The following CFAP92 variants were observed in gnomAD, a reference collection of about 807,000 sequenced individuals.
The protein encoded by CFAP92 is cilia and flagella associated protein 92 (putative).
In CFAP92, 86 loss-of-function variants were observed where a neutral mutation model predicts 106.3. The observed-to-expected ratio is 0.81, with a 90% confidence interval of 0.68 to 0.97. The LOEUF is 0.97. Among genes scored for constraint, CFAP92 ranks in the 50% least tolerant of loss-of-function variants. CFAP92 has a pLI of 0.00. For missense variants in CFAP92, 1,204 were observed against 1,283.8 expected (o/e 0.94, Z 0.95); for synonymous variants, 477 against 506.4 (o/e 0.94, Z 0.78).
intron 9 of CFAP92, among the ~76,000 whole-genome samples, chr3:128,960,048 T>C (rs1352639108): frequency 1.3e-5 from 2 of 152,176 alleles, no homozygotes; most frequent in Non-Finnish European, 2.9e-5. Context: ...TGAGAATGTA[T>C]TTTGTGAGAT....
In CFAP92 at chr3:128,935,115, C is replaced by T; in HGVS notation, c.2453+10G>A. 1 of 1,508,590 alleles carries T rather than the reference C, an allele frequency of 6.6e-7. No homozygotes were observed. The highest frequency in any genetic ancestry group is 8.9e-7 in the Non-Finnish European group (1 of 1,129,906). The allele number at this position is 1,508,590 out of a possible 1,614,324, so 93.5% of individuals were successfully genotyped here. A position where few individuals can be genotyped will look rare whatever the true frequency, so the allele number is the denominator to read the frequency against. On this transcript the variant is annotated intron_variant, in intron 11 of 15. Coordinates refer to ENST00000645291, the MANE Select transcript of CFAP92 (RefSeq NM_001394090.1). ...GGGCGCAGGACCACATGCGAGCTGCCACTGCCCACCTGGCTAGAGCCTGGA... is the reference window on the plus strand; with the variant it reads ...GGGCGCAGGACCACATGCGAGCTGCTACTGCCCACCTGGCTAGAGCCTGGA...
chr3:128,912,854 C>T (rs775683535), intron 15 of CFAP92: 4 of 658,112 alleles, frequency 6.1e-6, no homozygotes, highest in South Asian at 2.7e-5. Context: ...AATTGCTGAC[C>T]CCTGGAACTG....
intron 8 of CFAP92, chr3:128,969,573 G>GA (rs375452331): frequency 7.2e-4 from 102 of 141,918 alleles, no homozygotes; most frequent in East Asian, 8.2e-4. Context: ...ACTCCATCTC[G>GA]AAAAAAAAAA....
the CFAP92 span, among the ~76,000 whole-genome samples, chr3:129,018,314 C>G: frequency 6.6e-6 from 1 of 152,142 alleles, no homozygotes; most frequent in African/African-American, 2.4e-5. Flanking sequence ...TCCAGCTCCA[C>G]CCTTATTTTT....
chr3:128,912,711 G>A, intron 15 of CFAP92: 1 of 1,114,602 alleles, frequency 9.0e-7, no homozygotes, highest in Non-Finnish European at 1.4e-6. Context: ...CACAGGTTAA[G>A]CCTTTTGTTC....
intron 10 of CFAP92, among the ~76,000 whole-genome samples, chr3:128,943,243 A>G (rs1939841821): frequency 6.6e-6 from 1 of 152,066 alleles, no homozygotes; most frequent in Non-Finnish European, 1.5e-5. Flanking sequence ...AAGCGCATGA[A>G]TGAGTGGTTT....
chr3:128,987,269 T>C (rs1490930067), intron 4 of CFAP92, among the ~76,000 whole-genome samples: 1 of 152,100 alleles, frequency 6.6e-6, no homozygotes, highest in Non-Finnish European at 1.5e-5. Context: ...GATTTTTAAG[T>C]TTTCTCTTTT....
chr3:128,937,880 T>C (rs923337939), intron 10 of CFAP92, among the ~76,000 whole-genome samples: 2 of 152,016 alleles, frequency 1.3e-5, no homozygotes, highest in Admixed American at 1.3e-4. Flanking sequence ...CTTCCCAACA[T>C]GGCAAAACCC....
chr3:128,945,285 T>C lies in CFAP92; in HGVS notation c.2044A>G (p.Met682Val), dbSNP rs1327247154. The part of the protein sequence containing the change: ...LLHSLLQDIT[M>V]INAKALGLDS... ...AGGCCGAGGGCCTTAGCGTTGATCA[T>C]GGTGATGTCCTGCAGCAGGCTGTGG... The change falls in exon 10 of 16, where the codon ATG (methionine) becomes GTG (valine). Residue 682 changes from methionine (M) to valine (V), a missense_variant. Transcript: ENST00000645291. The C allele has an allele frequency of 3.3e-6, 5 of 1,536,124 alleles. No individual in the cohort carries two copies. The Admixed American group carries it at 5.9e-5, about 18-fold the overall frequency.
At position 128,935,148 on chromosome 3, in the gene CFAP92, C is replaced by T. The variant is rs1469591410; in HGVS notation, c.2430G>A (p.Arg810=). ...AVFFLRDTER[R]RVFQALARIH... ...ACCTGGCTAGAGCCTGGAAGACCCG[C>T]CTCCGCTCAGTGTCTCGCAGGAAGA... The change falls in exon 11 of 16, where the codon AGG becomes AGA. Residue 810 remains arginine (R), a synonymous_variant. Transcript: ENST00000645291. 2 of 1,533,382 alleles carry T rather than the reference C, an allele frequency of 1.3e-6. No individual in the cohort carries two copies. Among genetic ancestry groups the T allele is most frequent in the South Asian group, 2.4e-5 (2 of 83,790 alleles). The allele number at this position is 1,533,382 out of a possible 1,614,324, so 95.0% of individuals were successfully genotyped here.
At chr3:129,016,702 G>A in the CFAP92 span, among the ~76,000 whole-genome samples, 1 of 152,084 alleles carries the variant, frequency 6.6e-6, no homozygotes, top group Non-Finnish European at 1.5e-5. Flanking sequence ...CCACTTCTCT[G>A]GTCAAACCCT....
upstream of CFAP92, among the ~76,000 whole-genome samples, chr3:129,004,623 G>A (rs1944989085): frequency 6.6e-6 from 1 of 151,222 alleles, no homozygotes; most frequent in East Asian, 1.9e-4. Flanking sequence ...AGTTGAATGT[G>A]CTCATTCTTA....
intron 12 of CFAP92, among the ~76,000 whole-genome samples, chr3:128,926,592 C>T (rs941168305): frequency 2.6e-5 from 4 of 152,140 alleles, no homozygotes; most frequent in African/African-American, 9.7e-5. Context: ...ACCAGACATT[C>T]TAGACAATGC....
intron 9 of CFAP92, among the ~76,000 whole-genome samples, chr3:128,961,421 C>T (rs988377126): frequency 2.0e-5 from 3 of 152,084 alleles, no homozygotes; most frequent in African/African-American, 4.8e-5. Flanking sequence ...AGCTAGGTCC[C>T]AATTCTTCCT....
rs75253627 is a variant in CFAP92 at position 128,949,062 on chromosome 3, C to T, written c.1354-3087G>A. 2.6e-5 allele frequency among the ~76,000 whole-genome samples: 4 copies of T among 152,248 alleles called. No homozygotes were observed. In the East Asian group the frequency reaches 5.8e-4, roughly 22 times the overall value. On this transcript the variant is annotated intron_variant, in intron 9 of 15. Coordinates refer to ENST00000645291, the MANE Select transcript of CFAP92 (RefSeq NM_001394090.1). The stretch of plus-strand genomic sequence containing the variant: ...GGCTAAACTTAAAATACTGACAATA[C>T]CACATTCTGGAGAGGGTAGGGAGCA...
chr3:128,958,586 C>T (rs1427852686), intron 9 of CFAP92, among the ~76,000 whole-genome samples: 1 of 152,200 alleles, frequency 6.6e-6, no homozygotes, highest in Non-Finnish European at 1.5e-5. Flanking sequence ...CATACTCACA[C>T]TAAGACACAC....
At chr3:128,988,635 G>T (rs1353990923) in intron 3 of CFAP92, 93 bp downstream of exon 3, 1 of 1,288,350 alleles carries the variant, frequency 7.8e-7, no homozygotes, top group African/African-American at 1.5e-5. Context: ...TAGCAAGCTG[G>T]AGGTGGAGCT....
the CFAP92 span, among the ~76,000 whole-genome samples, chr3:129,008,110 A>G: frequency 6.6e-6 from 1 of 152,214 alleles, no homozygotes; most frequent in African/African-American, 2.4e-5. Flanking sequence ...CCAGGCCCTG[A>G]TTCTAGACCA....
the CFAP92 span, among the ~76,000 whole-genome samples, chr3:129,026,471 C>CGTA: frequency 6.6e-6 from 1 of 152,192 alleles, no homozygotes; most frequent in Non-Finnish European, 1.5e-5. Context: ...GCTGACATAC[C>CGTA]TCCTCTGCCA....
Sources: gnomAD v4.1 joint callset for allele counts (sites outside exome capture counted in the v4.1 genomes callset) on GRCh38, gnomAD v4.1.1 for gene constraint, MANE v1.5 for transcripts, NCBI Gene and HGNC (gene_info 2026-07-23, HGNC 2026-07-21) for gene names.